The following INTS7 variants were observed in gnomAD, a reference collection of about 807,000 sequenced individuals.
The protein encoded by INTS7 is chromosome 1 open reading frame 73.
In INTS7, 46 loss-of-function variants were observed where a neutral mutation model predicts 109.2. The observed-to-expected ratio is 0.42, with a 90% CI of 0.33 to 0.54. INTS7 has a LOEUF of 0.54. Among genes scored for constraint, INTS7 ranks in the 20% least tolerant of loss-of-function variants. INTS7 has a pLI of 0.07. For synonymous variants in INTS7, 412 were observed against 402.9 expected (o/e 1.02, Z -0.27); for missense variants, 929 against 1,132.4 (o/e 0.82, Z 2.58).
At chr1:211,988,585 ATG>A (rs1665005101) in intron 7 of INTS7, among the ~76,000 whole-genome samples, 1 of 152,174 alleles carries the variant, frequency 6.6e-6, no homozygotes, top group South Asian at 2.1e-4. Flanking sequence ...AATAATAACA[ATG>A]TATCAATATT....
At chr1:211,949,991 C>G (rs1663014066) in intron 17 of INTS7, among the ~76,000 whole-genome samples, 2 of 152,206 alleles carry the variant, frequency 1.3e-5, no homozygotes, top group African/African-American at 4.8e-5. Flanking sequence ...TCAACTGCAC[C>G]ACCAATCCAT....
rs375622888 is a variant in INTS7, at chr1:211,947,799, T to C, written c.2317-1094A>G. Among the ~76,000 whole-genome samples, 9 of 152,336 alleles carry C rather than the reference T, an allele frequency of 5.9e-5. No homozygotes were observed. The East Asian group carries it at 1.7e-3, about 29-fold the overall frequency. ...CAACACCATTAGAGGGAAATTGACATTGTGGACTTCTGAGTAAAAGGCACT... is the reference window on the plus strand; with the variant it reads ...CAACACCATTAGAGGGAAATTGACACTGTGGACTTCTGAGTAAAAGGCACT... On this transcript the variant is annotated intron_variant, in intron 17 of 19. Transcript: ENST00000366994.
rs138042625 is a variant in INTS7 at position 212,006,220 on chromosome 1, C to T, written c.879+419G>A. Among the ~76,000 whole-genome samples the T allele has an allele frequency of 2.3e-3, 351 of 152,262 alleles. 2 individuals carry two copies. Among genetic ancestry groups the T allele is most frequent in the African/African-American group, 8.0e-3 (331 of 41,560 alleles). On this transcript the variant is annotated intron_variant, in intron 7 of 19. Transcript: ENST00000366994. ...TTTACAAAAGAAGACTTAGGAATGT[C>T]TTCAGCTCTCCAGGAAGAGAGAAAT...
chr1:212,018,631 C>T (rs1666550850), intron 3 of INTS7, among the ~76,000 whole-genome samples: 1 of 151,954 alleles, frequency 6.6e-6, no homozygotes, highest in Non-Finnish European at 1.5e-5. Context: ...GTATATATTC[C>T]TCTAGATTTT....
At chr1:211,997,488 A>G (rs1043773115) in intron 7 of INTS7, among the ~76,000 whole-genome samples, 2 of 140,916 alleles carry the variant, frequency 1.4e-5, no homozygotes, top group African/African-American at 5.2e-5. Context: ...ACACCATTGC[A>G]CTCCAGCCTG....
intron 8 of INTS7, among the ~76,000 whole-genome samples, chr1:211,985,385 G>A (rs1193029262): frequency 2.6e-5 from 4 of 151,848 alleles, no homozygotes; most frequent in African/African-American, 9.7e-5. Flanking sequence ...CATAATAAAC[G>A]GAAATAAAGA....
intron 8 of INTS7, among the ~76,000 whole-genome samples, chr1:211,986,927 G>A (rs1664918965): frequency 6.6e-6 from 1 of 152,166 alleles, no homozygotes; most frequent in Non-Finnish European, 1.5e-5. Flanking sequence ...ACAAACAAAT[G>A]TACATTACAG....
chr1:212,000,888 C>A (rs923256608), intron 7 of INTS7, among the ~76,000 whole-genome samples: 5 of 152,160 alleles, frequency 3.3e-5, no homozygotes, highest in Non-Finnish European at 7.3e-5. Context: ...TCTACTTCTA[C>A]ACTGGATCCC....
chr1:211,967,989 A>G lies in INTS7; in HGVS notation c.2011-8T>C, dbSNP rs1159786732. The G allele has an allele frequency of 1.6e-5, 23 of 1,479,888 alleles. No homozygotes were observed. Among genetic ancestry groups the G allele is most frequent in the Non-Finnish European group, 1.9e-5 (21 of 1,081,778 alleles). 91.7% of individuals were successfully genotyped at this position (1,479,888 alleles called of 1,614,324 possible). A position where few individuals can be genotyped will look rare whatever the true frequency, so the allele number is the denominator to read the frequency against. ...TTCCATGGACTGTTTCATCTATAAAAAAAAATCAATTATGACAAACAAACA... is the reference window on the plus strand; with the variant it reads ...TTCCATGGACTGTTTCATCTATAAAGAAAAATCAATTATGACAAACAAACA... On this transcript the variant is annotated splice_region_variant and splice_polypyrimidine_tract_variant and intron_variant, in intron 14 of 19. Coordinates refer to ENST00000366994, the MANE Select transcript of INTS7 (RefSeq NM_015434.4).
intron 1 of INTS7, among the ~76,000 whole-genome samples, chr1:212,033,474 T>C (rs1037397202): frequency 1.3e-5 from 2 of 152,200 alleles, no homozygotes; most frequent in African/African-American, 2.4e-5. Flanking sequence ...GTGTCTAAGA[T>C]TGACACCTGA....
intron 3 of INTS7, among the ~76,000 whole-genome samples, chr1:212,018,532 C>T (rs1158081497): frequency 6.7e-6 from 1 of 150,002 alleles, no homozygotes; most frequent in Non-Finnish European, 1.5e-5. Flanking sequence ...TTGTGAAAAC[C>T]AATTCAAACA....
chr1:212,021,292 T>A, intron 1 of INTS7, 80 bp from the exon 2 acceptor site: 1 of 1,163,348 alleles, frequency 8.6e-7, no homozygotes, highest in Non-Finnish European at 1.2e-6. Flanking sequence ...AAATATAATT[T>A]ACTAGATAGT....
At position 212,000,835 on chromosome 1, in the gene INTS7, T is replaced by C. The variant is rs566680091; in HGVS notation, c.879+5804A>G. ...TACTCATTCACCTACATTAGGCTTC[T>C]TAAGGTCTTCCTTCCTATTCTATGT... On this transcript the variant is annotated intron_variant, in intron 7 of 19. Transcript: ENST00000366994. 1.2e-4 allele frequency among the ~76,000 whole-genome samples: 19 copies of C among 152,312 alleles called. 1 individual carries two copies. Among genetic ancestry groups the C allele is most frequent in the African/African-American group, 3.6e-4 (15 of 41,552 alleles).
chr1:211,970,221 GTAGCAT>G (rs1407391579), intron 13 of INTS7, among the ~76,000 whole-genome samples: 1 of 152,188 alleles, frequency 6.6e-6, no homozygotes, highest in Admixed American at 6.5e-5. Flanking sequence ...TAAGTCTTGG[GTAGCAT>G]TAGCTAGGTA....
chr1:212,012,264 T>C (rs1169196358), intron 4 of INTS7, among the ~76,000 whole-genome samples: 2 of 151,598 alleles, frequency 1.3e-5, no homozygotes, highest in Admixed American at 6.6e-5. Flanking sequence ...TGGTAGGAGA[T>C]TGGGGGGGGA....
intron 1 of INTS7, among the ~76,000 whole-genome samples, chr1:212,023,102 C>T (rs1571915921): frequency 6.6e-6 from 1 of 152,170 alleles, no homozygotes; most frequent in Non-Finnish European, 1.5e-5. Flanking sequence ...TTTATGGCTG[C>T]ATAGTATTCC....
rs1164970929 is a variant in INTS7, at chr1:211,942,996, C to G, written c.2602-885G>C. ...GTGTCTCAAGGAGCAGTTATCATGT[C>G]ACTTTTCCAGAGACATTTACCTGTA... On this transcript the variant is annotated intron_variant, in intron 19 of 19. Coordinates refer to ENST00000366994, the MANE Select transcript of INTS7 (RefSeq NM_015434.4). The surrounding 1 kb of genome is among the most constrained non-coding windows in gnomAD (Gnocchi z 4.2). Among the ~76,000 whole-genome samples the G allele has an allele frequency of 6.6e-6, 1 of 152,132 alleles. No individual in the cohort carries two copies. The highest frequency in any genetic ancestry group is 1.5e-5 in the Non-Finnish European group (1 of 68,030).
At chr1:211,971,078 G>A (rs1449216879) in intron 13 of INTS7, among the ~76,000 whole-genome samples, 2 of 152,186 alleles carry the variant, frequency 1.3e-5, no homozygotes, top group African/African-American at 2.4e-5. Flanking sequence ...ACACAGCTCC[G>A]AGTGAGGTCC....
At chr1:211,948,431 A>G (rs1330343314) in intron 17 of INTS7, among the ~76,000 whole-genome samples, 1 of 152,240 alleles carries the variant, frequency 6.6e-6, no homozygotes, top group Non-Finnish European at 1.5e-5. Context: ...ATGCCACACT[A>G]GTGTCTAAGG....
Sources: allele counts gnomAD v4.1 joint callset (sites outside exome capture counted in the v4.1 genomes callset), GRCh38; gene constraint gnomAD v4.1.1; non-coding constraint Gnocchi (gnomAD v3.1); transcripts MANE v1.5; gene names NCBI Gene and HGNC (gene_info 2026-07-23, HGNC 2026-07-21).